MAGI1: variants seen among roughly 807,000 people sequenced by gnomAD.
MAGI1 encodes membrane associated guanylate kinase, WW and PDZ domain containing 1, also known as membrane-associated guanylate kinase, WW and PDZ domain-containing protein 1.
MAGI1 carries 58 observed loss-of-function variants against 139.9 expected under a neutral mutation model. That is an observed-to-expected ratio of 0.41 (90% CI 0.34 to 0.52). The LOEUF is 0.52. Ranked by LOEUF, MAGI1 falls within the 20% of genes least tolerant of loss-of-function variation. The pLI is 0.12. For synonymous variants in MAGI1, 812 were observed against 737.9 expected, an observed-to-expected ratio of 1.10 and a Z score of -1.63; for missense variants, 1,874 against 1,901.6, an observed-to-expected ratio of 0.99 and a Z score of 0.27.
Position 65,448,027 on chromosome 3 carries a change from T to A in MAGI1, c.1073A>T (p.Glu358Val). ...AGCAGGCAGGGAGGGTTTACCTAGT[T>A]CACTGTCCAGCTCCTCGGTGTGTAC... ...EGVHTEELDS[E>V]LELPAGWEKI... The change falls in exon 7 of 23, where the codon GAA becomes GTA. Residue 358 changes from glutamate to valine, a missense_variant. This residue lies in a region of MAGI1 where 648 missense variants were observed against 598.1 expected (regional missense o/e 1.08). Transcript: ENST00000402939. 2 of 1,614,086 alleles carry A rather than the reference T, an allele frequency of 1.2e-6. No individual in the cohort carries two copies. Among genetic ancestry groups the A allele is most frequent in the South Asian group, 2.2e-5 (2 of 91,078 alleles).
At chr3:65,512,903 C>A (rs1576122538) in intron 2 of MAGI1, among the ~76,000 whole-genome samples, 1 of 150,790 alleles carries the variant, frequency 6.6e-6, no homozygotes. Flanking sequence ...TGAAAAAATC[C>A]TCAATAAAAT....
chr3:65,450,861 T>C (rs1049598652), intron 6 of MAGI1, among the ~76,000 whole-genome samples: 1 of 152,182 alleles, frequency 6.6e-6, no homozygotes, highest in Non-Finnish European at 1.5e-5. Context: ...GGGACAATAT[T>C]TGCAACCAAT....
intron 1 of MAGI1, among the ~76,000 whole-genome samples, chr3:65,706,696 T>C (rs1266164900): frequency 6.6e-6 from 1 of 151,654 alleles, no homozygotes; most frequent in Non-Finnish European, 1.5e-5. Context: ...AATGCAAAGG[T>C]CCAGAGACAA....
At chr3:66,024,320 A>T (rs1003159077) in intron 1 of MAGI1, among the ~76,000 whole-genome samples, 1 of 134,900 alleles carries the variant, frequency 7.4e-6, no homozygotes, top group African/African-American at 2.9e-5. Flanking sequence ...TTCATTAAAA[A>T]AAAAAAAAAA....
At chr3:65,489,286 G>C (rs1367627993) in intron 3 of MAGI1, among the ~76,000 whole-genome samples, 1 of 152,188 alleles carries the variant, frequency 6.6e-6, no homozygotes, top group Non-Finnish European at 1.5e-5. Context: ...AAGTCAGGTA[G>C]TTTTGGTCTA....
At chr3:65,680,760 AATGAT>A (rs1553690349) in intron 1 of MAGI1, among the ~76,000 whole-genome samples, 2,597 of 135,136 alleles carry the variant, frequency 0.019, 38 homozygotes, top group Middle Eastern at 0.079. Context: ...ATAATATAAT[AATGAT>A]ATGATATGAT....
At chr3:65,537,349 C>T (rs2079006033) in intron 2 of MAGI1, among the ~76,000 whole-genome samples, 1 of 152,196 alleles carries the variant, frequency 6.6e-6, no homozygotes, top group Admixed American at 6.5e-5. Flanking sequence ...GGAGCAGGCA[C>T]TCCCTTCTCC....
intron 12 of MAGI1, among the ~76,000 whole-genome samples, chr3:65,424,511 A>G (rs1382651533): frequency 6.6e-6 from 1 of 152,142 alleles, no homozygotes; most frequent in Non-Finnish European, 1.5e-5. Flanking sequence ...TATTCAGTAT[A>G]TGGTCTGTGC....
chr3:66,024,623 A>C (rs200487002), intron 1 of MAGI1, among the ~76,000 whole-genome samples: 2 of 152,266 alleles, frequency 1.3e-5, no homozygotes, highest in East Asian at 3.9e-4. Flanking sequence ...CCTGGCCAAC[A>C]TGGTGAAACC....
At chr3:65,767,125 C>CTA (rs970138581) in intron 1 of MAGI1, among the ~76,000 whole-genome samples, 24 of 152,164 alleles carry the variant, frequency 1.6e-4, no homozygotes, top group Admixed American at 5.9e-4. Context: ...TTCTGTCTGG[C>CTA]TAGCATGAAC....
intron 2 of MAGI1, among the ~76,000 whole-genome samples, chr3:65,608,415 A>G (rs180706037): frequency 6.6e-6 from 1 of 152,354 alleles, no homozygotes; most frequent in African/African-American, 2.4e-5. Context: ...AGCCTGGGCA[A>G]CAAGAGTGAA....
At chr3:66,008,937 A>C (rs1185499637) in intron 1 of MAGI1, 1 of 152,286 alleles carries the variant, frequency 6.6e-6, no homozygotes, top group Non-Finnish European at 1.5e-5. Flanking sequence ...AGGTATAGGC[A>C]GATCCCAGGA....
intron 2 of MAGI1, among the ~76,000 whole-genome samples, chr3:65,515,666 G>C (rs1292707438): frequency 6.6e-6 from 1 of 152,160 alleles, no homozygotes; most frequent in Non-Finnish European, 1.5e-5. Flanking sequence ...CCTATCAACA[G>C]TTAAGTATCC....
chr3:66,014,981 T>A lies in MAGI1; in HGVS notation c.313+23015A>T, dbSNP rs116679037. On this transcript the variant is annotated intron_variant, in intron 1 of 22. Transcript: ENST00000402939. ...TAACTGACAACAAATCATCGCTACATGATCTTTTCCTTCTGGGAATGCCTG... is the reference window on the plus strand; with the variant it reads ...TAACTGACAACAAATCATCGCTACAAGATCTTTTCCTTCTGGGAATGCCTG... Among the ~76,000 whole-genome samples the A allele has an allele frequency of 5.5e-3, 842 of 152,186 alleles. 13 individuals carry two copies. Among genetic ancestry groups the A allele is most frequent in the African/African-American group, 0.019 (807 of 41,542 alleles).
At chr3:65,758,456 T>C (rs1195199366) in intron 1 of MAGI1, among the ~76,000 whole-genome samples, 1 of 152,186 alleles carries the variant, frequency 6.6e-6, no homozygotes, top group Non-Finnish European at 1.5e-5. Flanking sequence ...GTGAGCCAGA[T>C]TTTGCAAACT....
intron 1 of MAGI1, among the ~76,000 whole-genome samples, chr3:65,731,488 TAA>T (rs555310553): frequency 2.9e-5 from 4 of 135,890 alleles, no homozygotes; most frequent in African/African-American, 2.7e-5. Context: ...CCCTATCTCT[TAA>T]AAAAAAAAAA....
chr3:65,444,100 C>T (rs1213773439), intron 7 of MAGI1, among the ~76,000 whole-genome samples: 1 of 152,054 alleles, frequency 6.6e-6, no homozygotes, highest in Admixed American at 6.6e-5. Flanking sequence ...TGTTTGCAAA[C>T]AAAGAGACAG....
intron 1 of MAGI1, among the ~76,000 whole-genome samples, chr3:65,769,714 C>G (rs1011608165): frequency 6.6e-6 from 1 of 152,144 alleles, no homozygotes; most frequent in South Asian, 2.1e-4. Flanking sequence ...ACACGTGTCT[C>G]TGGACACCAA....
chr3:65,766,101 CTAACA>C (rs1211455699), intron 1 of MAGI1, among the ~76,000 whole-genome samples: 1 of 152,108 alleles, frequency 6.6e-6, no homozygotes, highest in Non-Finnish European at 1.5e-5. Flanking sequence ...ATTTGCCTTC[CTAACA>C]TATTTGGTAT....
Sources: gnomAD v4.1 joint callset for allele counts (sites outside exome capture counted in the v4.1 genomes callset) on GRCh38, gnomAD v4.1.1 for gene constraint, gnomAD v4.1.1 regional missense constraint, MANE v1.5 for transcripts, NCBI Gene and HGNC (gene_info 2026-07-23, HGNC 2026-07-21) for gene names.